The following ITGA4 variants were observed in gnomAD, a reference collection of about 807,000 sequenced individuals.
ITGA4 encodes the protein integrin alpha-4.
A neutral mutation model predicts 133.6 loss-of-function variants in ITGA4; 63 were observed. That is an observed-to-expected ratio of 0.47 (90% confidence interval 0.38 to 0.58). The LOEUF is 0.58. Ranked by LOEUF, ITGA4 falls within the 20% of genes least tolerant of loss-of-function variation. ITGA4 has a pLI of 0.00. For synonymous variants in ITGA4, 483 were observed against 438.0 expected, an observed-to-expected ratio of 1.10 and a Z score of -1.28; for missense variants, 1,076 against 1,252.7, an observed-to-expected ratio of 0.86 and a Z score of 2.13.
At chr2:181,491,145 T>G (rs1230852343) in intron 10 of ITGA4, among the ~76,000 whole-genome samples, 2 of 152,176 alleles carry the variant, frequency 1.3e-5, no homozygotes, top group Non-Finnish European at 2.9e-5. Context: ...GGAAAAAAAT[T>G]TATCTGGGCC....
intron 15 of ITGA4, among the ~76,000 whole-genome samples, chr2:181,507,326 C>T (rs890023696): frequency 1.3e-5 from 2 of 152,056 alleles, no homozygotes; most frequent in Non-Finnish European, 2.9e-5. Context: ...GATTTCTCAT[C>T]GACATGTCTT....
At position 181,481,572 on chromosome 2, in the gene ITGA4, C is replaced by T. The variant is rs200541108; in HGVS notation, c.755-26C>T. The T allele has an allele frequency of 4.9e-5, 67 of 1,364,512 alleles. No individual in the cohort carries two copies. The East Asian group carries it at 6.8e-4, about 14-fold the overall frequency. 84.5% of individuals were successfully genotyped at this position (1,364,512 alleles called of 1,614,324 possible). On this transcript the variant is annotated intron_variant, in intron 6 of 27. Coordinates refer to ENST00000397033, the MANE Select transcript of ITGA4 (RefSeq NM_000885.6). ...CATATGATGTACTTTACCCAGGACTCTCATACTTTCTCCCTTTTCTTAAAG... is the reference window on the plus strand; with the variant it reads ...CATATGATGTACTTTACCCAGGACTTTCATACTTTCTCCCTTTTCTTAAAG...
At chr2:181,512,282 A>G (rs1686521351) in intron 17 of ITGA4, among the ~76,000 whole-genome samples, 1 of 152,080 alleles carries the variant, frequency 6.6e-6, no homozygotes, top group African/African-American at 2.4e-5. Flanking sequence ...AGGGAAGAAG[A>G]TGCATCAGTG....
chr2:181,482,484 A>C, intron 8 of ITGA4, 30 bp from the exon 9 acceptor site: 1 of 1,613,372 alleles, frequency 6.2e-7, no homozygotes, highest in Non-Finnish European at 8.5e-7. Flanking sequence ...CTTTTTTCTC[A>C]ATGAGTGGAT....
intron 9 of ITGA4, among the ~76,000 whole-genome samples, chr2:181,484,712 G>A (rs915484073): frequency 2.0e-5 from 3 of 152,208 alleles, no homozygotes; most frequent in Non-Finnish European, 4.4e-5. Flanking sequence ...GGATCTTTGT[G>A]AAGACACCAA....
At chr2:181,457,372 G>T, upstream of ITGA4, 1 of 368,048 alleles carries the variant, frequency 2.7e-6, no homozygotes, top group Non-Finnish European at 5.0e-6. Flanking sequence ...CCCACCCAGC[G>T]GCCCGTACCC....
chr2:181,468,646 C>G (rs1424111696), intron 2 of ITGA4, among the ~76,000 whole-genome samples: 2 of 152,094 alleles, frequency 1.3e-5, no homozygotes, highest in Non-Finnish European at 2.9e-5. Context: ...ATGTATTTAA[C>G]TAGCTTTGTA....
At chr2:181,485,312 C>T (rs961259050) in intron 9 of ITGA4, among the ~76,000 whole-genome samples, 1 of 152,136 alleles carries the variant, frequency 6.6e-6, no homozygotes, top group African/African-American at 2.4e-5. Context: ...TGTTTTGCTG[C>T]TAGTTTTCTC....
Position 181,537,550 on chromosome 2 carries a change from G to A in ITGA4, c.*2023G>A, listed in dbSNP as rs1029871773. The stretch of plus-strand genomic sequence containing the variant: ...TGAAATTTAACTGCTCTGGATTAGG[G>A]AGCAGTGAATCAAGGCAGACTTATG... On this transcript the variant is annotated 3_prime_UTR_variant, in exon 28 of 28. Coordinates refer to ENST00000397033, the MANE Select transcript of ITGA4 (RefSeq NM_000885.6). The A allele has an allele frequency of 4.5e-6, 2 of 442,098 alleles. No homozygotes were observed. The highest frequency in any genetic ancestry group is 4.9e-5 in the Admixed American group (2 of 40,998). 27.4% of individuals were successfully genotyped at this position (442,098 alleles called of 1,614,324 possible). A position where few individuals can be genotyped will look rare whatever the true frequency, so the allele number is the denominator to read the frequency against.
At chr2:181,494,572 C>A (rs1189267746) in intron 11 of ITGA4, 150 bp from the exon 12 acceptor site, 2 of 604,124 alleles carry the variant, frequency 3.3e-6, no homozygotes, top group East Asian at 2.8e-5. Context: ...ATTTTGTCAC[C>A]CTTAGAAGTA....
At position 181,537,306 on chromosome 2, in the gene ITGA4, G is replaced by A. The variant is rs1277764091; in HGVS notation, c.*1779G>A. 1 of 453,246 alleles carries A rather than the reference G, an allele frequency of 2.2e-6. No individual in the cohort carries two copies. The highest frequency in any genetic ancestry group is 6.9e-5 in the East Asian group (1 of 14,390). 28.1% of individuals were successfully genotyped at this position (453,246 alleles called of 1,614,324 possible). On this transcript the variant is annotated 3_prime_UTR_variant, in exon 28 of 28. Transcript: ENST00000397033. ...AACAACTATATATTTCAGGTTATCT[G>A]AGCACAGTGAAAGCAGAGTACTATG...
chr2:181,505,870 C>G (rs1686382384), intron 15 of ITGA4, among the ~76,000 whole-genome samples: 1 of 152,074 alleles, frequency 6.6e-6, no homozygotes, highest in African/African-American at 2.4e-5. Flanking sequence ...GAGGGACAAT[C>G]AGTGGCTGTC....
intron 15 of ITGA4, among the ~76,000 whole-genome samples, chr2:181,503,507 C>T: frequency 6.7e-6 from 1 of 148,162 alleles, no homozygotes; most frequent in East Asian, 2.0e-4. Context: ...CACAGGATTA[C>T]TTTGCTTAAC....
intron 15 of ITGA4, among the ~76,000 whole-genome samples, chr2:181,501,240 T>A (rs1686261833): frequency 6.6e-6 from 1 of 152,170 alleles, no homozygotes; most frequent in South Asian, 2.1e-4. Context: ...ACCCATACTT[T>A]GAGAACAGCT....
At chr2:181,510,522 C>T (rs1686486456) in intron 16 of ITGA4, among the ~76,000 whole-genome samples, 1 of 151,970 alleles carries the variant, frequency 6.6e-6, no homozygotes, top group Non-Finnish European at 1.5e-5. Flanking sequence ...AAAAAGCCTT[C>T]ATTAAAATGT....
chr2:181,490,426 A>AT (rs1336703112), intron 10 of ITGA4, among the ~76,000 whole-genome samples: 1 of 148,222 alleles, frequency 6.7e-6, no homozygotes, highest in Non-Finnish European at 1.5e-5. Flanking sequence ...CACCAGTTCC[A>AT]TCCCTGTTGC....
At chr2:181,493,803 A>C (rs1574395253) in intron 11 of ITGA4, among the ~76,000 whole-genome samples, 1 of 152,222 alleles carries the variant, frequency 6.6e-6, no homozygotes, top group Non-Finnish European at 1.5e-5. Flanking sequence ...AGGGAGATCA[A>C]ACACACATAT....
At chr2:181,460,415 A>G (rs747681624) in intron 2 of ITGA4, among the ~76,000 whole-genome samples, 4 of 152,206 alleles carry the variant, frequency 2.6e-5, no homozygotes, top group East Asian at 1.9e-4. Context: ...TAAAATAGGG[A>G]TTGAGGCTAC....
At chr2:181,494,268 A>G (rs1424789068) in intron 11 of ITGA4, among the ~76,000 whole-genome samples, 1 of 152,116 alleles carries the variant, frequency 6.6e-6, no homozygotes, top group Non-Finnish European at 1.5e-5. Flanking sequence ...ACAAATTCTT[A>G]TTTAGTTATT....
Sources: gnomAD v4.1 joint callset for allele counts (sites outside exome capture counted in the v4.1 genomes callset) on GRCh38, gnomAD v4.1.1 for gene constraint, MANE v1.5 for transcripts, NCBI Gene and HGNC (gene_info 2026-07-23, HGNC 2026-07-21) for gene names.